Variants in TIMP3 observed in about 807,000 individuals in gnomAD.
TIMP3 encodes metalloproteinase inhibitor 3.
TIMP3 carries 11 observed loss-of-function variants against 30.0 expected under a neutral mutation model. That is an observed-to-expected ratio of 0.37 (90% CI 0.23 to 0.61). The LOEUF (loss-of-function observed/expected upper bound fraction) is 0.61, where lower values mean the gene tolerates loss of function less well. Ranked by LOEUF, TIMP3 falls within the 20% of genes least tolerant of loss-of-function variation. TIMP3 has a pLI of 0.70. For synonymous variants in TIMP3, 112 were observed against 111.3 expected, an observed-to-expected ratio of 1.01 and a Z score of -0.04; for missense variants, 181 against 276.8, an observed-to-expected ratio of 0.65 and a Z score of 2.45.
intron 1 of TIMP3, among the ~76,000 whole-genome samples, chr22:32,827,872 C>T (rs1177811193): frequency 1.3e-5 from 2 of 152,184 alleles, no homozygotes; most frequent in African/African-American, 2.4e-5. Flanking sequence ...AACACCTCAT[C>T]CCCCAGATAC....
chr22:32,840,262 T>G (rs1017416406), intron 1 of TIMP3, among the ~76,000 whole-genome samples: 3 of 152,194 alleles, frequency 2.0e-5, no homozygotes, highest in Non-Finnish European at 2.9e-5. Flanking sequence ...AAACCAAGAT[T>G]AATATTTTTA....
intron 1 of TIMP3, 28 bp downstream of exon 1, chr22:32,802,150 C>T: frequency 6.4e-7 from 1 of 1,568,928 alleles, no homozygotes; most frequent in Non-Finnish European, 8.6e-7. Flanking sequence ...CCCGCCCGAG[C>T]CCCACGCTGC....
In TIMP3 at chr22:32,837,221, G is replaced by A. The variant is rs73885115; in HGVS notation, c.122-12231G>A. ...GTATTTTTCTGGGCACTGCTTCAAAGGGGCTGTGGTTGAAGACCATGCTGC... is the reference window on the plus strand; with the variant it reads ...GTATTTTTCTGGGCACTGCTTCAAAAGGGCTGTGGTTGAAGACCATGCTGC... On this transcript the variant is annotated intron_variant, in intron 1 of 4. Transcript: ENST00000266085. The surrounding 1 kb of genome is among the most constrained non-coding windows in gnomAD (Gnocchi z 4.1). 3.3e-5 allele frequency among the ~76,000 whole-genome samples: 5 copies of A among 152,220 alleles called. No individual in the cohort carries two copies. The highest frequency in any genetic ancestry group is 1.2e-4 in the African/African-American group (5 of 41,446).
At chr22:32,858,567 C>T (rs1406163768) in intron 4 of TIMP3, among the ~76,000 whole-genome samples, 8 of 152,180 alleles carry the variant, frequency 5.3e-5, no homozygotes, top group African/African-American at 1.9e-4. Flanking sequence ...AGACCAGATG[C>T]TACAGAAGGT....
intron 1 of TIMP3, among the ~76,000 whole-genome samples, chr22:32,824,563 A>AT (rs965624258): frequency 2.0e-5 from 3 of 152,136 alleles, no homozygotes; most frequent in African/African-American, 7.2e-5. Context: ...ATATGTATAT[A>AT]TTTTTTGCAT....
intron 1 of TIMP3, among the ~76,000 whole-genome samples, chr22:32,805,821 G>T (rs769300257): frequency 1.5e-4 from 23 of 152,066 alleles, no homozygotes; most frequent in Non-Finnish European, 1.6e-4. Context: ...AGGTGACCAG[G>T]AGATGGAATG....
intron 1 of TIMP3, among the ~76,000 whole-genome samples, chr22:32,806,418 C>G (rs143420300): frequency 6.6e-6 from 1 of 152,162 alleles, no homozygotes; most frequent in Non-Finnish European, 1.5e-5. Flanking sequence ...AACAACAACA[C>G]GATTCTCCAT....
Position 32,861,212 on chromosome 22 carries a change from G to T in TIMP3, c.*1835G>T, listed in dbSNP as rs550547187. The T allele has an allele frequency of 6.6e-6, 1 of 152,116 alleles. No individual in the cohort carries two copies. Among genetic ancestry groups the T allele is most frequent in the Admixed American group, 6.6e-5 (1 of 15,250 alleles). 9.4% of individuals were successfully genotyped at this position (152,116 alleles called of 1,614,324 possible). The stretch of plus-strand genomic sequence containing the variant: ...AAAGCAGCAGACAACACACTGTAGA[G>T]TCTTGCACACACACAAGTGCCCAGG... On this transcript the variant is annotated 3_prime_UTR_variant, in exon 5 of 5. Transcript: ENST00000266085.
chr22:32,806,755 A>G (rs1447145932), intron 1 of TIMP3, among the ~76,000 whole-genome samples: 1 of 152,026 alleles, frequency 6.6e-6, no homozygotes, highest in Non-Finnish European at 1.5e-5. Flanking sequence ...CTGTATATCT[A>G]TGATATATCC....
At chr22:32,848,314 T>A (rs1343904105) in intron 1 of TIMP3, among the ~76,000 whole-genome samples, 1 of 152,190 alleles carries the variant, frequency 6.6e-6, no homozygotes, top group Non-Finnish European at 1.5e-5. Flanking sequence ...GTGGGAAATT[T>A]CATAAGATCT....
intron 1 of TIMP3, among the ~76,000 whole-genome samples, chr22:32,803,568 G>A (rs1454458280): frequency 6.6e-6 from 1 of 152,198 alleles, no homozygotes; most frequent in Non-Finnish European, 1.5e-5. Flanking sequence ...TTTGTGGATT[G>A]CTTAGAAAGA....
intron 1 of TIMP3, among the ~76,000 whole-genome samples, chr22:32,835,025 T>A (rs947885126): frequency 2.6e-5 from 4 of 152,242 alleles, no homozygotes; most frequent in African/African-American, 9.6e-5. Flanking sequence ...CTGATTGCTG[T>A]ACCCTTGTTT....
intron 1 of TIMP3, among the ~76,000 whole-genome samples, chr22:32,841,163 G>C (rs915963647): frequency 6.6e-6 from 1 of 152,234 alleles, no homozygotes; most frequent in Non-Finnish European, 1.5e-5. Flanking sequence ...TGAGGTGCCT[G>C]TTATGTGCCA....
intron 2 of TIMP3, among the ~76,000 whole-genome samples, chr22:32,850,170 A>G (rs889877300): frequency 6.6e-6 from 1 of 151,312 alleles, no homozygotes; most frequent in Admixed American, 6.6e-5. Context: ...TATGAACATC[A>G]TGAAGTACAG....
intron 2 of TIMP3, among the ~76,000 whole-genome samples, chr22:32,850,760 G>A (rs1335528409): frequency 2.6e-5 from 4 of 152,128 alleles, no homozygotes; most frequent in Non-Finnish European, 5.9e-5. Flanking sequence ...GTGACTTGGT[G>A]AATGCTTATC....
chr22:32,844,493 A>G (rs943507537), intron 1 of TIMP3, among the ~76,000 whole-genome samples: 46 of 152,308 alleles, frequency 3.0e-4, no homozygotes, highest in African/African-American at 1.1e-3. Context: ...CTCTTGCCCA[A>G]ACAAATATTC....
At chr22:32,838,156 C>T (rs756411369) in intron 1 of TIMP3, among the ~76,000 whole-genome samples, 2 of 152,184 alleles carry the variant, frequency 1.3e-5, no homozygotes, top group African/African-American at 2.4e-5. Flanking sequence ...ACTGAATCCC[C>T]AAGACATGGC....
intron 1 of TIMP3, among the ~76,000 whole-genome samples, chr22:32,819,846 T>C (rs553296743): frequency 2.7e-4 from 41 of 152,338 alleles, no homozygotes; most frequent in African/African-American, 9.9e-4. Flanking sequence ...CTGTCCATAG[T>C]GTATATTAAC....
At chr22:32,819,483 A>T (rs2047177226) in intron 1 of TIMP3, among the ~76,000 whole-genome samples, 1 of 152,200 alleles carries the variant, frequency 6.6e-6, no homozygotes, top group Admixed American at 6.5e-5. Context: ...ATGTCCATTG[A>T]CTATAAAGGT....
Sources: allele counts gnomAD v4.1 joint callset (sites outside exome capture counted in the v4.1 genomes callset), GRCh38; gene constraint gnomAD v4.1.1; non-coding constraint Gnocchi (gnomAD v3.1); transcripts MANE v1.5; gene names NCBI Gene and HGNC (gene_info 2026-07-23, HGNC 2026-07-21).